CAMK1D: variants seen among roughly 807,000 people sequenced by gnomAD.
CAMK1D encodes calcium/calmodulin dependent protein kinase ID.
In CAMK1D, 9 loss-of-function variants were observed where a neutral mutation model predicts 47.7. The observed-to-expected ratio is 0.19, with a 90% confidence interval of 0.11 to 0.33. CAMK1D has a LOEUF of 0.33. CAMK1D is among the 10% of genes least tolerant of loss of function. The probability of loss-of-function intolerance (pLI) is 1.00; values close to 1 mark genes in which losing one functional copy is unlikely to be tolerated. For missense variants in CAMK1D, 291 were observed against 488.7 expected, an observed-to-expected ratio of 0.60 and a Z score of 3.81; for synonymous variants, 184 against 184.9, an observed-to-expected ratio of 0.99 and a Z score of 0.04.
At chr10:12,602,834 C>T (rs1038545864) in intron 2 of CAMK1D, among the ~76,000 whole-genome samples, 1 of 151,686 alleles carries the variant, frequency 6.6e-6, no homozygotes, top group Non-Finnish European at 1.5e-5. Flanking sequence ...TGAGCAAAGA[C>T]CGGTGGTGGA....
chr10:12,766,660 A>G (rs1159109233), intron 4 of CAMK1D, among the ~76,000 whole-genome samples: 4 of 152,136 alleles, frequency 2.6e-5, no homozygotes, highest in African/African-American at 4.8e-5. Flanking sequence ...TTTTACCCTC[A>G]CTATCTGCAA....
chr10:12,551,090 C>T (rs181678718), intron 1 of CAMK1D, among the ~76,000 whole-genome samples: 5 of 152,276 alleles, frequency 3.3e-5, no homozygotes, highest in Admixed American at 6.5e-5. Flanking sequence ...GGGCCAATAC[C>T]GGTAGGGTAT....
chr10:12,613,792 C>A (rs894253317), intron 2 of CAMK1D, among the ~76,000 whole-genome samples: 1 of 152,172 alleles, frequency 6.6e-6, no homozygotes, highest in African/African-American at 2.4e-5. Flanking sequence ...ATTACATTTC[C>A]TTTTGTAGGG....
chr10:12,355,785 A>C (rs1837493674), intron 1 of CAMK1D, among the ~76,000 whole-genome samples: 1 of 152,184 alleles, frequency 6.6e-6, no homozygotes, highest in African/African-American at 2.4e-5. Flanking sequence ...AACACCTGCT[A>C]TATTCTAGGC....
intron 6 of CAMK1D, among the ~76,000 whole-genome samples, chr10:12,797,573 A>T (rs891642027): frequency 6.6e-6 from 1 of 151,666 alleles, no homozygotes; most frequent in South Asian, 2.1e-4. Flanking sequence ...GCCACCCACC[A>T]TTTCCCATTA....
At position 12,354,904 on chromosome 10, in the gene CAMK1D, C is replaced by A. The variant is rs573365430; in HGVS notation, c.92+4994C>A. Among the ~76,000 whole-genome samples the A allele has an allele frequency of 2.7e-5, 4 of 146,596 alleles. No homozygotes were observed. In the South Asian group the frequency reaches 6.4e-4, roughly 23 times the overall value. On this transcript the variant is annotated intron_variant, in intron 1 of 10. Transcript: ENST00000619168. ...TCACTCAGGCTGGAGTGCGGTGGTG[C>A]GATCATAGCTCACTGCAGCCTCACA...
At chr10:12,556,093 T>A (rs1372563649) in intron 2 of CAMK1D, among the ~76,000 whole-genome samples, 1 of 152,032 alleles carries the variant, frequency 6.6e-6, no homozygotes, top group Non-Finnish European at 1.5e-5. Context: ...AACAAAGAAG[T>A]GATTTCTCCA....
chr10:12,437,442 G>T (rs951190607), intron 1 of CAMK1D, among the ~76,000 whole-genome samples: 5 of 152,084 alleles, frequency 3.3e-5, no homozygotes, highest in African/African-American at 1.2e-4. Flanking sequence ...TGATCCACCC[G>T]CCTTGACCTC....
chr10:12,666,707 C>A (rs762312674), intron 2 of CAMK1D, 29 bp from the exon 3 acceptor site: 5 of 1,567,278 alleles, frequency 3.2e-6, no homozygotes, highest in African/African-American at 1.4e-5. Flanking sequence ...ATCATACTCA[C>A]TATTTTGTGC....
At chr10:12,584,120 T>C (rs545605005) in intron 2 of CAMK1D, among the ~76,000 whole-genome samples, 1 of 152,356 alleles carries the variant, frequency 6.6e-6, no homozygotes, top group South Asian at 2.1e-4. Context: ...TTCTGGTTAA[T>C]GTCTTGTGAG....
chr10:12,734,327 A>G (rs920621006), intron 3 of CAMK1D, among the ~76,000 whole-genome samples: 1 of 34,544 alleles, frequency 2.9e-5, no homozygotes, highest in Non-Finnish European at 4.7e-5. Context: ...CATCTCAAAA[A>G]AAAAAAAAAA....
At chr10:12,783,149 C>T (rs180832568) in intron 5 of CAMK1D, among the ~76,000 whole-genome samples, 9 of 152,150 alleles carry the variant, frequency 5.9e-5, no homozygotes, top group South Asian at 2.1e-4. Flanking sequence ...TGCACCACCG[C>T]GCCTGGCTAA....
intron 10 of CAMK1D, among the ~76,000 whole-genome samples, chr10:12,827,699 C>T (rs113482290): frequency 7.0e-6 from 1 of 142,406 alleles, no homozygotes; most frequent in African/African-American, 2.6e-5. Context: ...TCTCCTCTCT[C>T]TTCTTCTCTC....
At chr10:12,690,236 G>A (rs1832823710) in intron 3 of CAMK1D, among the ~76,000 whole-genome samples, 1 of 152,202 alleles carries the variant, frequency 6.6e-6, no homozygotes, top group Non-Finnish European at 1.5e-5. Context: ...TCCTGTGCCA[G>A]CCATTGTTCC....
chr10:12,661,545 A>C (rs1248105964), intron 2 of CAMK1D, among the ~76,000 whole-genome samples: 1 of 152,250 alleles, frequency 6.6e-6, no homozygotes, highest in Non-Finnish European at 1.5e-5. Flanking sequence ...TACTTAGTGC[A>C]GTCTTAACAC....
chr10:12,688,745 C>T (rs895630430), intron 3 of CAMK1D, among the ~76,000 whole-genome samples: 2 of 152,014 alleles, frequency 1.3e-5, no homozygotes, highest in South Asian at 2.1e-4. Context: ...AGTGCAATGG[C>T]GCGATCTCAG....
At chr10:12,512,023 T>C (rs867050023) in intron 1 of CAMK1D, among the ~76,000 whole-genome samples, 5 of 152,126 alleles carry the variant, frequency 3.3e-5, no homozygotes, top group African/African-American at 9.7e-5. Context: ...GTGTTCCCCA[T>C]AGAGTTGTTG....
chr10:12,668,513 A>G (rs1298698051), intron 3 of CAMK1D, among the ~76,000 whole-genome samples: 2 of 152,222 alleles, frequency 1.3e-5, no homozygotes, highest in Admixed American at 1.3e-4. Flanking sequence ...GGCTCTGAGT[A>G]TCAGTTTCGA....
intron 2 of CAMK1D, among the ~76,000 whole-genome samples, chr10:12,665,471 A>G (rs1296205366): frequency 6.6e-6 from 1 of 152,250 alleles, no homozygotes; most frequent in African/African-American, 2.4e-5. Flanking sequence ...GCAAGCATTT[A>G]TTCAGCAGAT....
Sources: allele counts gnomAD v4.1 joint callset (sites outside exome capture counted in the v4.1 genomes callset), GRCh38; gene constraint gnomAD v4.1.1; transcripts MANE v1.5; gene names NCBI Gene and HGNC (gene_info 2026-07-23, HGNC 2026-07-21).